Variants in FER observed in about 807,000 individuals in gnomAD.
The protein encoded by FER is tyrosine-protein kinase Fer.
A neutral mutation model predicts 111.0 loss-of-function variants in FER; 63 were observed. The ratio of observed to expected loss-of-function variants is 0.57; its 90% CI spans 0.46 to 0.70. FER has a LOEUF of 0.70. Among genes scored for constraint, FER ranks in the 30% least tolerant of loss-of-function variants. The pLI is 0.00. For missense variants in FER, 914 were observed against 954.0 expected, an observed-to-expected ratio of 0.96 and a Z score of 0.55; for synonymous variants, 327 against 313.9, an observed-to-expected ratio of 1.04 and a Z score of -0.44.
At chr5:109,128,295 T>G (rs1751974284) in intron 17 of FER, among the ~76,000 whole-genome samples, 3 of 152,128 alleles carry the variant, frequency 2.0e-5, no homozygotes, top group African/African-American at 7.2e-5. Context: ...ATTCTTTCAG[T>G]TCCCAGATTC....
intron 10 of FER, among the ~76,000 whole-genome samples, chr5:108,932,685 G>A (rs1754861006): frequency 6.6e-6 from 1 of 152,124 alleles, no homozygotes; most frequent in Non-Finnish European, 1.5e-5. Flanking sequence ...TCCAGCATCT[G>A]TTGTTTCCTG....
intron 9 of FER, among the ~76,000 whole-genome samples, chr5:108,892,727 C>T (rs1748328549): frequency 1.3e-5 from 2 of 152,184 alleles, no homozygotes; most frequent in African/African-American, 4.8e-5. Context: ...GTGTTCTAGA[C>T]ATGAAGTCCT....
At chr5:109,098,862 T>G (rs138189862) in intron 16 of FER, among the ~76,000 whole-genome samples, 1 of 151,752 alleles carries the variant, frequency 6.6e-6, no homozygotes, top group African/African-American at 2.4e-5. Context: ...CTCACCTAAA[T>G]TTGTATAATA....
chr5:109,139,531 AAG>A (rs1221629182), intron 17 of FER, among the ~76,000 whole-genome samples: 5 of 152,000 alleles, frequency 3.3e-5, no homozygotes, highest in Admixed American at 3.3e-4. Flanking sequence ...AAAATGCTAA[AAG>A]AGAGCATTTT....
intron 13 of FER, among the ~76,000 whole-genome samples, chr5:108,975,216 C>G (rs907555639): frequency 6.6e-6 from 1 of 152,064 alleles, no homozygotes; most frequent in Non-Finnish European, 1.5e-5. Flanking sequence ...AACACATGGA[C>G]ACCGGGAGGG....
intron 13 of FER, among the ~76,000 whole-genome samples, chr5:108,982,424 T>C (rs1762109206): frequency 1.3e-5 from 2 of 152,100 alleles, no homozygotes; most frequent in Admixed American, 1.3e-4. Flanking sequence ...GTATAAGCAA[T>C]GACCTCTTTA....
chr5:108,869,696 A>G (rs927305016), intron 6 of FER, among the ~76,000 whole-genome samples: 1 of 152,130 alleles, frequency 6.6e-6, no homozygotes, highest in African/African-American at 2.4e-5. Context: ...TGTTTTACAT[A>G]CAAATATTTC....
At chr5:109,035,128 G>T (rs1770194548) in intron 13 of FER, among the ~76,000 whole-genome samples, 1 of 150,886 alleles carries the variant, frequency 6.6e-6, no homozygotes, top group African/African-American at 2.4e-5. Flanking sequence ...CTGCTTCCCG[G>T]GTTCAAGCGA....
chr5:108,861,349 G>C (rs1000969032), intron 5 of FER, among the ~76,000 whole-genome samples: 6 of 152,146 alleles, frequency 3.9e-5, no homozygotes, highest in Non-Finnish European at 5.9e-5. Flanking sequence ...ACATAATTGA[G>C]TTTTGCTAGC....
At chr5:108,950,967 T>A (rs1048503168) in intron 11 of FER, among the ~76,000 whole-genome samples, 1 of 149,804 alleles carries the variant, frequency 6.7e-6, no homozygotes, top group African/African-American at 2.4e-5. Context: ...CCTATGGAAT[T>A]AAAAAAAAAA....
rs760833888 is a variant in FER, at chr5:108,835,752, A to G, written c.426A>G (p.Gln142=). ...AGAAGTTAAAATGCAGCTATAGACA[A>G]TTAATAAAAGAAATGAATTCTGCCA... ...ELEKLKCSYR[Q]LIKEMNSAKE... is the part of the protein sequence containing the mutation. The change falls in exon 5 of 20, where the codon CAA becomes CAG. Residue 142 remains glutamine (Q), a synonymous_variant. Transcript: ENST00000281092. 6 of 1,571,836 alleles carry G rather than the reference A, an allele frequency of 3.8e-6. No individual in the cohort carries two copies. In the East Asian group the frequency reaches 9.2e-5, roughly 24 times the overall value.
chr5:108,896,017 A>G (rs919525344), intron 9 of FER, among the ~76,000 whole-genome samples: 17 of 152,110 alleles, frequency 1.1e-4, no homozygotes, highest in Admixed American at 5.2e-4. Context: ...ATTATTTTGA[A>G]GTATACCTCC....
intron 13 of FER, among the ~76,000 whole-genome samples, chr5:109,023,712 G>A (rs1768261385): frequency 6.6e-6 from 1 of 151,542 alleles, no homozygotes; most frequent in Non-Finnish European, 1.5e-5. Context: ...TCTTCATGAA[G>A]AGGGACATTG....
At chr5:108,894,699 G>C in intron 9 of FER, 1 of 217,734 alleles carries the variant, frequency 4.6e-6, no homozygotes, top group Non-Finnish European at 9.4e-6. Flanking sequence ...TTGACTCACA[G>C]TTCCACATGC....
At position 108,798,164 on chromosome 5, in the gene FER, A is replaced by T. The variant is rs141543178; in HGVS notation, c.-19A>T. 34,050 of 1,606,654 alleles carry T rather than the reference A, an allele frequency of 0.021. 455 individuals carry two copies. Among genetic ancestry groups the T allele is most frequent in the Non-Finnish European group, 0.026 (30,859 of 1,173,484 alleles). On this transcript the variant is annotated 5_prime_UTR_variant, in exon 3 of 20. Coordinates refer to ENST00000281092, the MANE Select transcript of FER (RefSeq NM_005246.4). ...AAGGCTCACTTGTGCAGTGTGGAGGATAACCAGTGCCTTACAAAATGGGGT... is the reference window on the plus strand; with the variant it reads ...AAGGCTCACTTGTGCAGTGTGGAGGTTAACCAGTGCCTTACAAAATGGGGT...
chr5:109,175,123 G>C (rs1757537838), intron 17 of FER, among the ~76,000 whole-genome samples: 1 of 152,198 alleles, frequency 6.6e-6, no homozygotes, highest in South Asian at 2.1e-4. Context: ...CATGTGAAGA[G>C]AAAATTGTCA....
intron 16 of FER, among the ~76,000 whole-genome samples, chr5:109,057,581 G>A (rs1198820495): frequency 1.3e-5 from 2 of 152,102 alleles, no homozygotes; most frequent in Non-Finnish European, 2.9e-5. Context: ...CTTGCTCCTG[G>A]CACAAGCAGT....
intron 16 of FER, among the ~76,000 whole-genome samples, chr5:109,054,980 C>G (rs1384691339): frequency 6.6e-6 from 1 of 152,180 alleles, no homozygotes; most frequent in Non-Finnish European, 1.5e-5. Flanking sequence ...GTCTTGATGA[C>G]AGTAGCTTTA....
At chr5:108,833,489 C>CTT (rs5870333) in intron 4 of FER, among the ~76,000 whole-genome samples, 33,342 of 145,522 alleles carry the variant, frequency 0.23, 3,914 homozygotes, top group African/African-American at 0.28. Flanking sequence ...CTCCTACCCA[C>CTT]TTTTTTTTTT....
Sources: allele counts gnomAD v4.1 joint callset (sites outside exome capture counted in the v4.1 genomes callset), GRCh38; gene constraint gnomAD v4.1.1; transcripts MANE v1.5; gene names NCBI Gene and HGNC (gene_info 2026-07-23, HGNC 2026-07-21).